DCC: variants seen among roughly 807,000 people sequenced by gnomAD.
The protein encoded by DCC is DCC netrin 1 receptor, also known as netrin receptor DCC.
DCC carries 58 observed loss-of-function variants against 172.5 expected under a neutral mutation model. The observed-to-expected ratio is 0.34, with a 90% CI of 0.27 to 0.42. DCC has a LOEUF of 0.42. Among genes scored for constraint, DCC ranks in the 10% least tolerant of loss-of-function variants. The pLI is 1.00. For synonymous variants in DCC, 709 were observed against 644.5 expected (o/e 1.10, Z -1.52); for missense variants, 1,740 against 1,791.0 (o/e 0.97, Z 0.51).
At chr18:52,579,549 T>C (rs2033495951) in intron 1 of DCC, among the ~76,000 whole-genome samples, 2 of 152,194 alleles carry the variant, frequency 1.3e-5, no homozygotes, top group South Asian at 4.1e-4. Context: ...TGTGTGTGTG[T>C]GCTTCTGCAT....
At chr18:53,527,423 A>C (rs935892844) in intron 28 of DCC, among the ~76,000 whole-genome samples, 2 of 151,950 alleles carry the variant, frequency 1.3e-5, no homozygotes, top group African/African-American at 4.8e-5. Flanking sequence ...ATAGTGACAA[A>C]AAGCTATATT....
At chr18:52,689,796 T>C (rs1001274543) in intron 1 of DCC, among the ~76,000 whole-genome samples, 6 of 152,154 alleles carry the variant, frequency 3.9e-5, no homozygotes, top group African/African-American at 1.4e-4. Context: ...CAATCACTTA[T>C]GTATGCATAA....
intron 1 of DCC, among the ~76,000 whole-genome samples, chr18:52,408,167 T>G (rs894537258): frequency 1.2e-4 from 19 of 152,092 alleles, no homozygotes; most frequent in African/African-American, 4.6e-4. Context: ...CATATCCAAA[T>G]GCCATATATG....
At chr18:52,747,335 T>C (rs2036922340) in intron 1 of DCC, among the ~76,000 whole-genome samples, 1 of 152,206 alleles carries the variant, frequency 6.6e-6, no homozygotes, top group African/African-American at 2.4e-5. Context: ...TATTTGAGGG[T>C]TCAAGGGGAT....
rs547750331 is a variant in DCC, at chr18:53,167,648, A to G, written c.1418+10136A>G. Among the ~76,000 whole-genome samples the G allele has an allele frequency of 2.8e-4, 42 of 152,318 alleles. No homozygotes were observed. In the East Asian group the frequency reaches 8.1e-3, roughly 29 times the overall value. ...GCCCCAGCAATGTAGCCATTTTTTT[A>G]TGCTCAGTGAATCTATATGCTAAGT... On this transcript the variant is annotated intron_variant, in intron 8 of 28. Transcript: ENST00000442544.
intron 12 of DCC, among the ~76,000 whole-genome samples, chr18:53,227,596 T>C (rs2056053859): frequency 6.6e-6 from 1 of 152,192 alleles, no homozygotes; most frequent in Admixed American, 6.5e-5. Context: ...GTCAGATACA[T>C]TGAGAAGTAT....
intron 12 of DCC, among the ~76,000 whole-genome samples, chr18:53,268,743 C>T (rs17411061): frequency 0.29 from 44,441 of 152,034 alleles, 8,362 homozygotes; most frequent in Non-Finnish European, 0.43. Context: ...TTCTGTTTTG[C>T]TCTCTCTCAG....
intron 1 of DCC, among the ~76,000 whole-genome samples, chr18:52,666,019 C>T (rs1264971211): frequency 2.6e-5 from 4 of 152,180 alleles, no homozygotes; most frequent in South Asian, 4.1e-4. Flanking sequence ...GAAATTCGGC[C>T]GGGTGCCGTG....
chr18:52,528,800 A>C (rs1252887944), intron 1 of DCC, among the ~76,000 whole-genome samples: 1 of 152,108 alleles, frequency 6.6e-6, no homozygotes, highest in Admixed American at 6.5e-5. Flanking sequence ...CATTAAGTCT[A>C]CAGATGCTCA....
At chr18:53,147,851 A>C (rs774953607) in intron 7 of DCC, among the ~76,000 whole-genome samples, 11 of 152,194 alleles carry the variant, frequency 7.2e-5, no homozygotes, top group Non-Finnish European at 1.2e-4. Context: ...CTATAGGGAG[A>C]GTTGGAAGTT....
chr18:52,924,354 G>A (rs535239441), intron 4 of DCC, among the ~76,000 whole-genome samples: 1 of 152,116 alleles, frequency 6.6e-6, no homozygotes, highest in Non-Finnish European at 1.5e-5. Context: ...AAGCTAAGGG[G>A]AAAAATGAAA....
At chr18:52,749,139 C>G (rs920719497) in intron 1 of DCC, among the ~76,000 whole-genome samples, 1 of 151,988 alleles carries the variant, frequency 6.6e-6, no homozygotes, top group Non-Finnish European at 1.5e-5. Context: ...TTGCAGTGAG[C>G]CAAGATCGCA....
intron 5 of DCC, among the ~76,000 whole-genome samples, chr18:52,992,232 C>T (rs1479455920): frequency 6.6e-6 from 1 of 152,118 alleles, no homozygotes; most frequent in Non-Finnish European, 1.5e-5. Flanking sequence ...CCACCCTAGT[C>T]AGTATAGGGC....
chr18:52,793,899 C>T (rs915661127), intron 2 of DCC, among the ~76,000 whole-genome samples: 10 of 152,116 alleles, frequency 6.6e-5, no homozygotes, highest in Non-Finnish European at 1.2e-4. Flanking sequence ...GGTATTCTTT[C>T]TCCAAGGTAT....
chr18:53,219,716 C>T (rs921262998), intron 12 of DCC, among the ~76,000 whole-genome samples: 126 of 152,216 alleles, frequency 8.3e-4, no homozygotes, highest in African/African-American at 2.9e-3. Context: ...TGCCTTCCTA[C>T]GTCTTAAAGT....
chr18:52,852,567 T>C (rs1462308770), intron 2 of DCC, among the ~76,000 whole-genome samples: 2 of 152,190 alleles, frequency 1.3e-5, no homozygotes, highest in South Asian at 2.1e-4. Context: ...TCTAGAGATG[T>C]TGATTATGTA....
chr18:53,083,924 A>G (rs2042840609), intron 7 of DCC, among the ~76,000 whole-genome samples: 1 of 152,192 alleles, frequency 6.6e-6, no homozygotes, highest in Admixed American at 6.5e-5. Context: ...AACTTAGTCA[A>G]ACTGTAACAA....
At chr18:52,842,905 T>C (rs1304544127) in intron 2 of DCC, among the ~76,000 whole-genome samples, 1 of 151,662 alleles carries the variant, frequency 6.6e-6, no homozygotes, top group Non-Finnish European at 1.5e-5. Flanking sequence ...TTAGTTTCAC[T>C]AGCTGAGATG....
intron 1 of DCC, among the ~76,000 whole-genome samples, chr18:52,544,585 AC>A (rs1408372798): frequency 6.6e-6 from 1 of 151,846 alleles, no homozygotes; most frequent in African/African-American, 2.4e-5. Flanking sequence ...TGTAGTTCAC[AC>A]CCCCAGTTCT....
Sources: allele counts gnomAD v4.1 joint callset (sites outside exome capture counted in the v4.1 genomes callset), GRCh38; gene constraint gnomAD v4.1.1; transcripts MANE v1.5; gene names NCBI Gene and HGNC (gene_info 2026-07-23, HGNC 2026-07-21).